RUNX3: variants seen among roughly 807,000 people sequenced by gnomAD.
RUNX3 encodes runt-related transcription factor 3.
RUNX3 carries 10 observed loss-of-function variants against 27.7 expected under a neutral mutation model. That is an observed-to-expected ratio of 0.36 (90% CI 0.22 to 0.61). RUNX3 has a LOEUF of 0.61. Ranked by LOEUF, RUNX3 falls within the 20% of genes least tolerant of loss-of-function variation. The probability of loss-of-function intolerance (pLI) is 0.72; values close to 1 mark genes in which losing one functional copy is unlikely to be tolerated. For missense variants in RUNX3, 469 were observed against 629.5 expected, an observed-to-expected ratio of 0.75 and a Z score of 2.73; for synonymous variants, 270 against 269.2, an observed-to-expected ratio of 1.00 and a Z score of -0.03.
chr1:24,931,878 G>A (rs555279249), upstream of RUNX3, among the ~76,000 whole-genome samples: 5 of 152,238 alleles, frequency 3.3e-5, no homozygotes, highest in South Asian at 4.1e-4. Flanking sequence ...AAGAGAGCCT[G>A]CGCCTGGCAG....
chr1:24,910,339 T>G (rs1640773612), intron 3 of RUNX3, among the ~76,000 whole-genome samples: 1 of 150,756 alleles, frequency 6.6e-6, no homozygotes, highest in African/African-American at 2.4e-5. Context: ...GAGGAGAAGG[T>G]TTGCCTAAGG....
intron 2 of RUNX3, among the ~76,000 whole-genome samples, chr1:24,956,847 G>A (rs549168857): frequency 8.5e-5 from 13 of 152,224 alleles, no homozygotes; most frequent in East Asian, 3.9e-4. Flanking sequence ...TTCCCTTTGC[G>A]TTCTCCAAGC....
intron 2 of RUNX3, among the ~76,000 whole-genome samples, chr1:24,964,330 C>T (rs1195946114): frequency 3.3e-5 from 5 of 152,202 alleles, no homozygotes; most frequent in South Asian, 2.1e-4. Context: ...AGTGCCACAG[C>T]GATGTTCCAC....
intron 3 of RUNX3, among the ~76,000 whole-genome samples, chr1:24,914,319 G>A (rs1272201752): frequency 1.3e-5 from 2 of 152,236 alleles, no homozygotes; most frequent in Admixed American, 1.3e-4. Context: ...GCCGCCTGGT[G>A]CGGCTGTGAC....
At chr1:24,951,203 T>C (rs1461277952) in intron 2 of RUNX3, among the ~76,000 whole-genome samples, 3 of 16,596 alleles carry the variant, frequency 1.8e-4, no homozygotes, top group African/African-American at 8.8e-4. Flanking sequence ...AGACTCCATC[T>C]CAAAAAAAAA....
intron 2 of RUNX3, among the ~76,000 whole-genome samples, chr1:24,922,719 A>T (rs1405611903): frequency 6.6e-6 from 1 of 151,282 alleles, no homozygotes; most frequent in Non-Finnish European, 1.5e-5. Context: ...TTTATACCTT[A>T]AAAATATCAT....
chr1:24,949,408 A>G (rs140345778), intron 2 of RUNX3, among the ~76,000 whole-genome samples: 1,594 of 152,144 alleles, frequency 0.01, 26 homozygotes, highest in African/African-American at 0.036. Context: ...TCATTCCTCC[A>G]GGAGCATTTA....
chr1:24,957,021 A>T (rs1641951070), intron 2 of RUNX3, among the ~76,000 whole-genome samples: 1 of 152,218 alleles, frequency 6.6e-6, no homozygotes, highest in Non-Finnish European at 1.5e-5. Flanking sequence ...TGCTGGTGGA[A>T]TCTCAGTCAC....
intron 2 of RUNX3, among the ~76,000 whole-genome samples, chr1:24,939,104 G>A (rs1245456056): frequency 1.3e-5 from 2 of 152,158 alleles, no homozygotes; most frequent in Non-Finnish European, 1.5e-5. Flanking sequence ...GCTGGAAAAT[G>A]AGGAGGAAAG....
chr1:24,902,148 C>A lies in RUNX3; in HGVS notation c.1222G>T (p.Asp408Tyr). 2 of 1,565,044 alleles carry A rather than the reference C, an allele frequency of 1.3e-6. No homozygotes were observed. The highest frequency in any genetic ancestry group is 2.3e-5 in the South Asian group (2 of 85,526). Residue 408 changes from aspartate (D) to tyrosine (Y), a missense_variant, in exon 5 of 5, where the codon GAT becomes TAT. Physicochemically the swap from Asp to Tyr is radical, Grantham distance 160 (BLOSUM62 -3). This residue lies in a region of RUNX3 where 279 missense variants were observed against 343.0 expected (regional missense o/e 0.81). Transcript: ENST00000308873. The surrounding 1 kb of genome is among the most constrained non-coding windows in gnomAD (Gnocchi z 9.2). ...PTALSTPGRM[D>Y]EAVWRPY ...CAGTAGGGCCGCCACACGGCCTCAT[C>A]CATGCGGCCTGGCGTGCTCAGGGCC...
chr1:24,964,707 T>C, intron 1 of RUNX3: 1 of 1,493,382 alleles, frequency 6.7e-7, no homozygotes, highest in Non-Finnish European at 8.9e-7. Context: ...CTTTTTGTTG[T>C]TTTTTGTTTT....
chr1:24,912,467 G>C (rs1415564621), intron 3 of RUNX3, among the ~76,000 whole-genome samples: 1 of 152,088 alleles, frequency 6.6e-6, no homozygotes. Flanking sequence ...GTGAAGCCCA[G>C]TCCAGGAGCC....
chr1:24,929,039 C>T lies in RUNX3; in HGVS notation c.282+548G>A, dbSNP rs760591981. 4.2e-5 allele frequency: 19 copies of T among 457,042 alleles called. 1 individual carries two copies. Among genetic ancestry groups the T allele is most frequent in the South Asian group, 2.8e-4 (18 of 64,580 alleles). The allele number at this position is 457,042 out of a possible 1,614,324, so 28.3% of individuals were successfully genotyped here. On this transcript the variant is annotated intron_variant, in intron 1 of 4. Transcript: ENST00000308873. ...TTAGGGGTCCCCCAATCTCAACTCG[C>T]CATTCGGGACGCATAATATCCCCGA...
chr1:24,913,558 T>G (rs1640834020), intron 3 of RUNX3, among the ~76,000 whole-genome samples: 1 of 152,240 alleles, frequency 6.6e-6, no homozygotes, highest in Non-Finnish European at 1.5e-5. Context: ...CATCTGCTCC[T>G]AGGCAAACAG....
chr1:24,934,761 T>A (rs368318749), upstream of RUNX3, among the ~76,000 whole-genome samples: 1 of 152,166 alleles, frequency 6.6e-6, no homozygotes, highest in African/African-American at 2.4e-5. Context: ...TGGCCAAGCA[T>A]GTCAGCACTC....
In RUNX3 at chr1:24,951,266, CTT is replaced by C. The variant is rs146168264; in HGVS notation, c.58+13246_58+13247del. 5.2e-3 allele frequency among the ~76,000 whole-genome samples: 789 copies of C among 151,282 alleles called. 10 individuals are homozygous for C. Among genetic ancestry groups the C allele is most frequent in the African/African-American group, 0.018 (755 of 41,182 alleles). ...CTGCTGAGAGAGAGAGAAAGAAGCTCTTTCCCTGCATGTGTTGCCATGGGATT... is the reference window on the plus strand; with the variant it reads ...CTGCTGAGAGAGAGAGAAAGAAGCTCTCCCTGCATGTGTTGCCATGGGATT... On this transcript the variant is annotated intron_variant, in intron 2 of 6. Coordinates refer to the RUNX3 transcript ENST00000338888.
chr1:24,961,043 C>G (rs1021165669), intron 2 of RUNX3, among the ~76,000 whole-genome samples: 2 of 152,152 alleles, frequency 1.3e-5, no homozygotes, highest in Non-Finnish European at 2.9e-5. Context: ...CTCCTGCTCA[C>G]GCCTCTACTG....
At chr1:24,914,807 C>G (rs1640857543) in intron 3 of RUNX3, among the ~76,000 whole-genome samples, 2 of 152,190 alleles carry the variant, frequency 1.3e-5, no homozygotes, top group African/African-American at 4.8e-5. Context: ...CAACTGCGGG[C>G]TCAGGGTCAC....
chr1:24,948,726 A>C (rs1419644481), intron 2 of RUNX3, among the ~76,000 whole-genome samples: 4 of 112,528 alleles, frequency 3.6e-5, no homozygotes, highest in African/African-American at 1.4e-4. Context: ...GCAGGGGTGC[A>C]TTGGGGGTGC....
Sources: gnomAD v4.1 joint callset for allele counts (sites outside exome capture counted in the v4.1 genomes callset) on GRCh38, gnomAD v4.1.1 for gene constraint, gnomAD v4.1.1 regional missense constraint, Gnocchi (gnomAD v3.1) non-coding constraint, MANE v1.5 for transcripts, NCBI Gene and HGNC (gene_info 2026-07-23, HGNC 2026-07-21) for gene names.